The following AGL variants were observed in gnomAD, a reference collection of about 807,000 sequenced individuals.
AGL encodes glycogen debranching enzyme.
AGL carries 128 observed loss-of-function variants against 199.3 expected under a neutral mutation model. The observed-to-expected ratio is 0.64, with a 90% CI of 0.56 to 0.74. The LOEUF (loss-of-function observed/expected upper bound fraction) is 0.74. Ranked by LOEUF, AGL falls within the 30% of genes least tolerant of loss-of-function variation. The pLI is 0.00. For missense variants in AGL, 1,809 were observed against 1,820.8 expected, an observed-to-expected ratio of 0.99 and a Z score of 0.12; for synonymous variants, 584 against 594.7, an observed-to-expected ratio of 0.98 and a Z score of 0.26.
chr1:99,891,431 T>C (rs1652893045), intron 22 of AGL, 75 bp downstream of exon 22: 25 of 1,556,978 alleles, frequency 1.6e-5, no homozygotes, highest in Non-Finnish European at 2.2e-5. Flanking sequence ...ATATAATATT[T>C]ACATTGTTTT....
chr1:99,871,479 C>A (rs538874257), intron 7 of AGL, among the ~76,000 whole-genome samples: 9 of 147,066 alleles, frequency 6.1e-5, no homozygotes, highest in African/African-American at 1.7e-4. Flanking sequence ...TTGTAGGAGA[C>A]AAATTAGAAA....
Position 99,861,190 on chromosome 1 carries a change from G to A in AGL, c.83-313G>A, listed in dbSNP as rs527363038. The A allele has an allele frequency of 3.3e-6, 4 of 1,219,648 alleles. No individual in the cohort carries two copies. In the African/African-American group the frequency reaches 4.7e-5, roughly 14 times the overall value. 75.6% of individuals were successfully genotyped at this position (1,219,648 alleles called of 1,614,324 possible). A position where few individuals can be genotyped will look rare whatever the true frequency, so the allele number is the denominator to read the frequency against. On this transcript the variant is annotated intron_variant, in intron 2 of 33. Coordinates refer to ENST00000361915, the MANE Select transcript of AGL (RefSeq NM_000642.3). ...GTACTTAATTCAGGGGTGAGGATGG[G>A]GGATCATGGTAAATGGGGTTGTATA...
chr1:99,916,022 A>G lies in AGL; in HGVS notation c.4260-388A>G, dbSNP rs112167228. Among the ~76,000 whole-genome samples the G allele has an allele frequency of 3.1e-3, 479 of 152,224 alleles. 3 individuals are homozygous for G. The highest frequency in any genetic ancestry group is 0.011 in the African/African-American group (458 of 41,546). ...TTTCCAATCTATAATTAATAAAACC[A>G]TGTCTTTAATTTTTATTAATTCAAA... On this transcript the variant is annotated intron_variant, in intron 31 of 33. Transcript: ENST00000361915.
intron 11 of AGL, 47 bp from the exon 12 acceptor site, chr1:99,877,594 T>G (rs749281744): frequency 1.3e-6 from 2 of 1,565,170 alleles, no homozygotes; most frequent in Non-Finnish European, 8.8e-7. Context: ...AGTAATTGTT[T>G]TCATTTTATT....
chr1:99,880,625 T>C lies in AGL; in HGVS notation c.1736-7T>C, dbSNP rs1224630568. The C allele has an allele frequency of 2.5e-6, 4 of 1,613,522 alleles. No individual in the cohort carries two copies. Among genetic ancestry groups the C allele is most frequent in the Non-Finnish European group, 3.4e-6 (4 of 1,179,592 alleles). On this transcript the variant is annotated splice_polypyrimidine_tract_variant and splice_region_variant and intron_variant, in intron 13 of 33. Transcript: ENST00000361915. ...AGATTGTTAAAATATTCTGTAATGCTCTGCAGAGGCAATGAGTGCATATAA... is the reference window on the plus strand; with the variant it reads ...AGATTGTTAAAATATTCTGTAATGCCCTGCAGAGGCAATGAGTGCATATAA...
At chr1:99,919,690 T>C (rs1176309699) in intron 33 of AGL, among the ~76,000 whole-genome samples, 1 of 152,230 alleles carries the variant, frequency 6.6e-6, no homozygotes, top group African/African-American at 2.4e-5. Context: ...TGTTTAATTC[T>C]ATTTTTCTCC....
chr1:99,868,699 T>G (rs762843229), intron 5 of AGL, among the ~76,000 whole-genome samples: 3 of 152,140 alleles, frequency 2.0e-5, no homozygotes, highest in Non-Finnish European at 4.4e-5. Flanking sequence ...GGAGGATCAC[T>G]TCAGCTCTAG....
chr1:99,870,846 A>T lies in AGL; in HGVS notation c.935A>T (p.Gln312Leu), dbSNP rs1490125842. ...GTAGATGTCAACAAAGCGGTTGAGC[A>T]ATTTAGAAGACTTCTTACACAAGGT... ...FQVDVNKAVE[Q>L]FRRLLTQENR... The change falls in exon 7 of 34, where the codon CAA becomes CTA. Residue 312 changes from glutamine to leucine, a missense_variant. By Grantham distance (113) the Gln-to-Leu change is moderately radical (BLOSUM62 -2). Coordinates refer to ENST00000361915, the MANE Select transcript of AGL (RefSeq NM_000642.3). 1 of 1,603,240 alleles carries T rather than the reference A, an allele frequency of 6.2e-7. No homozygotes were observed.
Position 99,863,693 on chromosome 1 carries a change from C to T in AGL, c.461-693C>T, listed in dbSNP as rs1571230846. Among the ~76,000 whole-genome samples, 3 of 151,670 alleles carry T rather than the reference C, an allele frequency of 2.0e-5. No homozygotes were observed. The East Asian group carries it at 5.8e-4, about 29-fold the overall frequency. On this transcript the variant is annotated intron_variant, in intron 4 of 33. Transcript: ENST00000361915. ...CTCGATCTCCTGACCTCATGATCCA[C>T]CTGCCTCAGCCTCCCAAAGTGCTGG...
intron 12 of AGL, 50 bp from the exon 13 acceptor site, chr1:99,879,873 T>A: frequency 6.6e-7 from 1 of 1,511,380 alleles, no homozygotes; most frequent in Non-Finnish European, 9.2e-7. Flanking sequence ...ATCTTGCTTT[T>A]CTCTTTCTGT....
rs774144631 is a variant in AGL at position 99,861,531 on chromosome 1, A to G, written c.111A>G (p.Pro37=). The part of the protein sequence containing the change: ...QGYELQFRLG[P]TLQGKAVTVY... ...ATGAGCTACAGTTCCGATTAGGCCC[A>G]ACTTTACAGGGAAAAGCAGTTACCG... The change falls in exon 3 of 34, where the codon CCA becomes CCG. Residue 37 remains proline (P), a synonymous_variant. Transcript: ENST00000361915. 5.0e-6 allele frequency: 8 copies of G among 1,614,036 alleles called. No homozygotes were observed. The Admixed American group carries it at 6.7e-5, about 13-fold the overall frequency.
chr1:99,905,911 G>A (rs1009452556), intron 27 of AGL, among the ~76,000 whole-genome samples: 3 of 151,934 alleles, frequency 2.0e-5, no homozygotes, highest in African/African-American at 7.3e-5. Flanking sequence ...TGTATAATTG[G>A]AGTGCTGTTT....
Position 99,891,300 on chromosome 1 carries a change from T to G in AGL, c.2893T>G (p.Trp965Gly), listed in dbSNP as rs771851197. 1 of 1,613,784 alleles carries G rather than the reference T, an allele frequency of 6.2e-7. No homozygotes were observed. The highest frequency in any genetic ancestry group is 1.1e-5 in the South Asian group (1 of 91,062). The part of the protein sequence containing the change: ...PFCNNLRSGD[W>G]MIDYVSNRLI... ...TTGTAATAATTTGAGATCTGGAGATTGGATGATTGACTATGTCAGTAACCG... is the reference window on the plus strand; with the variant it reads ...TTGTAATAATTTGAGATCTGGAGATGGGATGATTGACTATGTCAGTAACCG... Residue 965 changes from tryptophan to glycine, a missense_variant, in exon 22 of 34, where the codon TGG becomes GGG. Trp to Gly is a radical substitution (Grantham distance 184, BLOSUM62 -2). Transcript: ENST00000361915.
chr1:99,884,050 C>A, intron 17 of AGL, 70 bp from the exon 18 acceptor site: 1 of 1,310,750 alleles, frequency 7.6e-7, no homozygotes, highest in Non-Finnish European at 1.1e-6. Context: ...TGATTTGAAA[C>A]CACTTTAGCC....
In AGL at chr1:99,864,514, G is replaced by A. The variant is rs1275074039; in HGVS notation, c.589G>A (p.Val197Ile). Reference sequence around the variant, plus strand: ...TAATAGAAAGTATACCTGGAATGATGTTGGACAGCTAGTGGAAAAATTAAA... The same window carrying A: ...TAATAGAAAGTATACCTGGAATGATATTGGACAGCTAGTGGAAAAATTAAA... ...RPNRKYTWND[V>I]GQLVEKLKKE... The change falls in exon 5 of 34, where the codon GTT becomes ATT. Residue 197 changes from valine to isoleucine, a missense_variant. By Grantham distance (29) the Val-to-Ile change is conservative (BLOSUM62 3). Coordinates refer to ENST00000361915, the MANE Select transcript of AGL (RefSeq NM_000642.3). 1 of 1,613,896 alleles carries A rather than the reference G, an allele frequency of 6.2e-7. No individual in the cohort carries two copies. Among genetic ancestry groups the A allele is most frequent in the Non-Finnish European group, 8.5e-7 (1 of 1,179,888 alleles).
chr1:99,884,454 A>G lies in AGL; in HGVS notation c.2546+3A>G, dbSNP rs748025343. On this transcript the variant is annotated splice_donor_region_variant and intron_variant, in intron 19 of 33. Transcript: ENST00000361915. Reference sequence around the variant, plus strand: ...CCAGGAAGTGTTATTATATTCAGGTATGTTAATTGAGCTCAAACTGTTGAC... The same window carrying G: ...CCAGGAAGTGTTATTATATTCAGGTGTGTTAATTGAGCTCAAACTGTTGAC... The G allele has an allele frequency of 1.9e-6, 3 of 1,606,248 alleles. No individual in the cohort carries two copies. The highest frequency in any genetic ancestry group is 2.6e-6 in the Non-Finnish European group (3 of 1,173,492).
intron 24 of AGL, among the ~76,000 whole-genome samples, chr1:99,895,784 A>G (rs1252542413): frequency 1.3e-5 from 2 of 152,174 alleles, no homozygotes; most frequent in African/African-American, 4.8e-5. Context: ...AGACCAGCCT[A>G]GGCAACCTGG....
chr1:99,916,120 C>G (rs976624571), intron 31 of AGL, among the ~76,000 whole-genome samples: 2 of 152,010 alleles, frequency 1.3e-5, no homozygotes, highest in Admixed American at 6.5e-5. Context: ...TGACTTTAAA[C>G]CAAGCCATAT....
At chr1:99,913,382 A>T in intron 29 of AGL, 145 bp from the exon 30 acceptor site, 1 of 705,462 alleles carries the variant, frequency 1.4e-6, no homozygotes, top group Non-Finnish European at 2.4e-6. Flanking sequence ...ACACATCTCA[A>T]TTCAGACTGG....
Sources: gnomAD v4.1 joint callset for allele counts (sites outside exome capture counted in the v4.1 genomes callset) on GRCh38, gnomAD v4.1.1 for gene constraint, MANE v1.5 for transcripts, NCBI Gene and HGNC (gene_info 2026-07-23, HGNC 2026-07-21) for gene names.